The following ZFPM2 variants were observed in gnomAD, a reference collection of about 807,000 sequenced individuals.
ZFPM2 encodes the protein zinc finger protein ZFPM2.
ZFPM2 carries 20 observed loss-of-function variants against 98.6 expected under a neutral mutation model. The ratio of observed to expected loss-of-function variants is 0.20; its 90% CI spans 0.14 to 0.29. ZFPM2 has a LOEUF of 0.29. ZFPM2 is among the 10% of genes least tolerant of loss of function. The probability of loss-of-function intolerance (pLI) is 1.00; values close to 1 mark genes in which losing one functional copy is unlikely to be tolerated. For missense variants in ZFPM2, 1,310 were observed against 1,388.6 expected (o/e 0.94, Z 0.90); for synonymous variants, 518 against 502.7 (o/e 1.03, Z -0.41).
intron 5 of ZFPM2, among the ~76,000 whole-genome samples, chr8:105,756,694 G>A (rs1177819434): frequency 1.3e-5 from 2 of 152,132 alleles, no homozygotes; most frequent in Admixed American, 6.6e-5. Flanking sequence ...AGACGGGAGA[G>A]GGGGAAAATG....
intron 5 of ZFPM2, among the ~76,000 whole-genome samples, chr8:105,742,073 C>T (rs917914486): frequency 2.6e-5 from 4 of 151,888 alleles, no homozygotes; most frequent in African/African-American, 9.7e-5. Context: ...GTGGCTCATA[C>T]CAATAATCCC....
intron 1 of ZFPM2, among the ~76,000 whole-genome samples, chr8:105,391,943 A>C (rs1811117166): frequency 6.6e-6 from 1 of 152,218 alleles, no homozygotes; most frequent in African/African-American, 2.4e-5. Flanking sequence ...TAAATCCTTT[A>C]CAGAAGCTTT....
intron 3 of ZFPM2, among the ~76,000 whole-genome samples, chr8:105,529,705 T>C (rs953210253): frequency 8.6e-5 from 13 of 151,968 alleles, no homozygotes; most frequent in African/African-American, 3.1e-4. Context: ...GCTAAGTTTA[T>C]GCAGAAAACA....
chr8:105,388,004 A>G (rs1811035700), intron 1 of ZFPM2: 1 of 152,182 alleles, frequency 6.6e-6, no homozygotes, highest in Non-Finnish European at 1.5e-5. Context: ...TTTTACTTCC[A>G]GTCTTAGAAA....
At chr8:105,683,165 T>C (rs560688439) in intron 5 of ZFPM2, among the ~76,000 whole-genome samples, 1 of 152,042 alleles carries the variant, frequency 6.6e-6, no homozygotes, top group African/African-American at 2.4e-5. Flanking sequence ...TACTATTACT[T>C]TGGGGGCTAG....
rs372888315 is a variant in ZFPM2, at chr8:105,418,571, A to T, written c.41-573A>T. On this transcript the variant is annotated intron_variant, in intron 1 of 7. Coordinates refer to ENST00000407775, the MANE Select transcript of ZFPM2 (RefSeq NM_012082.4). The stretch of plus-strand genomic sequence containing the variant: ...CATTTCAGAAAAAATTCAATTAATT[A>T]TGAATAGGGTTATGCTTTCATCAGG... The T allele has an allele frequency of 6.9e-5, 36 of 517,988 alleles. No individual in the cohort carries two copies. The East Asian group carries it at 8.2e-4, about 12-fold the overall frequency. The allele number at this position is 517,988 out of a possible 1,614,324, so 32.1% of individuals were successfully genotyped here. A position where few individuals can be genotyped will look rare whatever the true frequency, so the allele number is the denominator to read the frequency against.
intron 5 of ZFPM2, chr8:105,670,048 C>T (rs1055499892): frequency 6.6e-6 from 1 of 152,110 alleles, no homozygotes; most frequent in Non-Finnish European, 1.5e-5. Flanking sequence ...AAGAGTCAAA[C>T]TTTATTCTTT....
intron 1 of ZFPM2, among the ~76,000 whole-genome samples, chr8:105,393,164 T>G (rs1811141160): frequency 6.6e-6 from 1 of 152,196 alleles, no homozygotes; most frequent in Non-Finnish European, 1.5e-5. Context: ...CAGTCTGATT[T>G]ATAAAATATT....
rs764045659 is a variant in ZFPM2 at position 105,418,542 on chromosome 8, TTTTCA to T, written c.41-596_41-592del. 9.8e-6 allele frequency: 5 copies of T among 511,558 alleles called. No homozygotes were observed. In the East Asian group the frequency reaches 2.7e-4, roughly 28 times the overall value. The allele number at this position is 511,558 out of a possible 1,614,324, so 31.7% of individuals were successfully genotyped here. On this transcript the variant is annotated intron_variant, in intron 1 of 7. Coordinates refer to ENST00000407775, the MANE Select transcript of ZFPM2 (RefSeq NM_012082.4). ...TTACATTTTTTCATTAGAAAACCAC[TTTTCA>T]TTTCAGAAAAAATTCAATTAATTAT...
At chr8:105,681,115 T>A (rs1810590066) in intron 5 of ZFPM2, among the ~76,000 whole-genome samples, 1 of 152,210 alleles carries the variant, frequency 6.6e-6, no homozygotes. Flanking sequence ...AGAGCATTCT[T>A]TATGATAATC....
Position 105,592,536 on chromosome 8 carries a change from T to A in ZFPM2, c.420+31055T>A, listed in dbSNP as rs540659872. ...GGAAATTCTAAGGATAAATAGACTG[T>A]GGATATATGTCAGATGTTTCTCTTA... On this transcript the variant is annotated intron_variant, in intron 4 of 7. Coordinates refer to ENST00000407775, the MANE Select transcript of ZFPM2 (RefSeq NM_012082.4). Among the ~76,000 whole-genome samples the A allele has an allele frequency of 3.0e-4, 45 of 152,272 alleles. No homozygotes were observed. In the South Asian group the frequency reaches 9.1e-3, roughly 31 times the overall value.
chr8:105,625,574 G>A (rs1413176047), intron 4 of ZFPM2, among the ~76,000 whole-genome samples: 1 of 149,328 alleles, frequency 6.7e-6, no homozygotes, highest in Non-Finnish European at 1.5e-5. Flanking sequence ...GGTGTTATCT[G>A]TGAAAACCTA....
chr8:105,580,350 T>C (rs1815562788), intron 4 of ZFPM2, among the ~76,000 whole-genome samples: 1 of 152,184 alleles, frequency 6.6e-6, no homozygotes, highest in Non-Finnish European at 1.5e-5. Flanking sequence ...TTTATTAACC[T>C]ATTTCAAAAT....
rs77741939 is a variant in ZFPM2 at position 105,496,404 on chromosome 8, G to A, written c.301+52023G>A. On this transcript the variant is annotated intron_variant, in intron 3 of 7. Coordinates refer to ENST00000407775, the MANE Select transcript of ZFPM2 (RefSeq NM_012082.4). ...TCTTTCAAGACACTTTTGGAGAGTG[G>A]TACTCAAATATCTAGTAGACTGTCT... Among the ~76,000 whole-genome samples the A allele has an allele frequency of 8.8e-3, 1,338 of 152,072 alleles. 27 individuals carry two copies. Among genetic ancestry groups the A allele is most frequent in the African/African-American group, 0.029 (1,199 of 41,482 alleles).
intron 6 of ZFPM2, among the ~76,000 whole-genome samples, chr8:105,789,926 G>A (rs1392029333): frequency 6.6e-6 from 1 of 150,742 alleles, no homozygotes. Flanking sequence ...ACTTTTTGAT[G>A]GGGTTGTTTG....
intron 1 of ZFPM2, among the ~76,000 whole-genome samples, chr8:105,380,704 A>ATTTT (rs1491197120): frequency 5.1e-5 from 1 of 19,514 alleles, no homozygotes; most frequent in Non-Finnish European, 8.0e-5. Flanking sequence ...TAACATATAT[A>ATTTT]ATATATATAT....
intron 4 of ZFPM2, among the ~76,000 whole-genome samples, chr8:105,633,992 G>A (rs1260543265): frequency 6.6e-6 from 1 of 150,960 alleles, no homozygotes; most frequent in African/African-American, 2.4e-5. Flanking sequence ...TCTAATCTTG[G>A]AGATCTGATT....
intron 4 of ZFPM2, among the ~76,000 whole-genome samples, chr8:105,562,511 G>A (rs1441319249): frequency 2.0e-5 from 3 of 151,932 alleles, no homozygotes; most frequent in Non-Finnish European, 4.4e-5. Context: ...ATCCAAATTG[G>A]GTGTCACTGG....
At chr8:105,664,569 G>A (rs1817455274) in intron 5 of ZFPM2, among the ~76,000 whole-genome samples, 1 of 152,120 alleles carries the variant, frequency 6.6e-6, no homozygotes, top group African/African-American at 2.4e-5. Flanking sequence ...CCCATCCTCA[G>A]GTGATCCGCC....
Sources: gnomAD v4.1 joint callset for allele counts (sites outside exome capture counted in the v4.1 genomes callset) on GRCh38, gnomAD v4.1.1 for gene constraint, MANE v1.5 for transcripts, NCBI Gene and HGNC (gene_info 2026-07-23, HGNC 2026-07-21) for gene names.